KIAA1958: variants seen among roughly 807,000 people sequenced by gnomAD.
KIAA1958 encodes the protein uncharacterized protein KIAA1958.
KIAA1958 carries 14 observed loss-of-function variants against 47.2 expected under a neutral mutation model. That is an observed-to-expected ratio of 0.30 (90% CI 0.20 to 0.46). KIAA1958 has a LOEUF of 0.46. KIAA1958 is among the 20% of genes least tolerant of loss of function. The probability of loss-of-function intolerance (pLI) is 1.00; values close to 1 mark genes in which losing one functional copy is unlikely to be tolerated. For missense variants in KIAA1958, 803 were observed against 909.2 expected (o/e 0.88, Z 1.50); for synonymous variants, 354 against 353.3 (o/e 1.00, Z -0.02).
At chr9:112,645,026 T>C in intron 2 of KIAA1958, among the ~76,000 whole-genome samples, 1 of 150,828 alleles carries the variant, frequency 6.6e-6, no homozygotes, top group East Asian at 1.9e-4. Context: ...TCCCAGCTAC[T>C]TGGGAGGCTG....
intron 2 of KIAA1958, among the ~76,000 whole-genome samples, chr9:112,611,627 A>G (rs1305789759): frequency 2.6e-5 from 4 of 152,142 alleles, no homozygotes; most frequent in Non-Finnish European, 5.9e-5. Flanking sequence ...CTATTCTTAT[A>G]GAGGAAGATT....
chr9:112,636,620 C>A (rs904099004), intron 2 of KIAA1958, among the ~76,000 whole-genome samples: 2 of 152,124 alleles, frequency 1.3e-5, no homozygotes, highest in Admixed American at 1.3e-4. Context: ...TTTAAAACCT[C>A]CCTCTTTATT....
chr9:112,510,002 G>A (rs1252048973), intron 1 of KIAA1958, among the ~76,000 whole-genome samples: 1 of 152,190 alleles, frequency 6.6e-6, no homozygotes, highest in Non-Finnish European at 1.5e-5. Context: ...CATTACCTTT[G>A]TGGGCAGCTT....
intron 2 of KIAA1958, among the ~76,000 whole-genome samples, chr9:112,595,386 T>G (rs1836002712): frequency 6.6e-6 from 1 of 152,088 alleles, no homozygotes; most frequent in South Asian, 2.1e-4. Context: ...GCTGGCCGGG[T>G]GCAGTGGCTC....
At position 112,575,114 on chromosome 9, in the gene KIAA1958, A is replaced by T; in HGVS notation, c.1034A>T (p.His345Leu). The stretch of plus-strand genomic sequence containing the variant: ...GTTGCCTCTGAAGAGTTCCTGTCCC[A>T]TCTGCCCAGCCAGGTCTCCTCCTGT... Reference protein sequence around the residue: ...EQVASEEFLSHLPSQVSSCEV... With the variant: ...EQVASEEFLSLLPSQVSSCEV... The change falls in exon 2 of 4, where the codon CAT becomes CTT. Residue 345 changes from histidine to leucine, a missense_variant. Around this residue, in one of 2 missense-constraint regions of KIAA1958, gnomAD observed 761 missense variants for 829.3 expected, o/e 0.92. Transcript: ENST00000337530. 6.2e-7 allele frequency: 1 copy of T among 1,608,408 alleles called. No homozygotes were observed. Among genetic ancestry groups the T allele is most frequent in the African/African-American group, 1.3e-5 (1 of 75,008 alleles).
intron 1 of KIAA1958, among the ~76,000 whole-genome samples, chr9:112,531,353 A>G (rs1834749139): frequency 6.6e-6 from 1 of 152,192 alleles, no homozygotes; most frequent in African/African-American, 2.4e-5. Flanking sequence ...ACGCCATTGC[A>G]CTCCAGCCTG....
chr9:112,518,130 A>T (rs1189544147), intron 1 of KIAA1958, among the ~76,000 whole-genome samples: 1 of 152,226 alleles, frequency 6.6e-6, no homozygotes, highest in Non-Finnish European at 1.5e-5. Flanking sequence ...AGCCAGGAGG[A>T]TCACTTGAGC....
chr9:112,600,126 C>CT (rs1836104109), intron 2 of KIAA1958, among the ~76,000 whole-genome samples: 1 of 152,308 alleles, frequency 6.6e-6, no homozygotes, highest in South Asian at 2.1e-4. Context: ...TTGTTCTACT[C>CT]TTCTTTCACC....
In KIAA1958 at chr9:112,661,530, CTCTT is replaced by C. The variant is rs992103913; in HGVS notation, c.*1467_*1470del. On this transcript the variant is annotated 3_prime_UTR_variant, in exon 4 of 4. Coordinates refer to ENST00000337530, the MANE Select transcript of KIAA1958 (RefSeq NM_133465.4). Reference sequence around the variant, plus strand: ...TTTTGTAGAAGTCTTAAAATCAGTCCTCTTTCTTTTTGAAAACATTATTTTAGTA... The same window carrying C: ...TTTTGTAGAAGTCTTAAAATCAGTCCTCTTTTTGAAAACATTATTTTAGTA... The C allele has an allele frequency of 1.3e-5, 2 of 152,124 alleles. No individual in the cohort carries two copies. Among genetic ancestry groups the C allele is most frequent in the Admixed American group, 6.5e-5 (1 of 15,276 alleles). The allele number at this position is 152,124 out of a possible 1,614,324, so 9.4% of individuals were successfully genotyped here.
rs1264947174 is a variant in KIAA1958 at position 112,619,843 on chromosome 9, A to C, written c.1172-25807A>C. ...TGGAAAGTCTTACTAAAAATCTAGA[A>C]GCAGTAGTCGAGACAACAAAAAAAC... is the stretch of plus-strand genomic sequence containing the variant. On this transcript the variant is annotated intron_variant, in intron 2 of 3. Transcript: ENST00000337530. Among the ~76,000 whole-genome samples, 3 of 152,186 alleles carry C rather than the reference A, an allele frequency of 2.0e-5. No individual in the cohort carries two copies. In the East Asian group the frequency reaches 5.8e-4, roughly 29 times the overall value.
At chr9:112,640,067 T>G (rs1469985170) in intron 2 of KIAA1958, among the ~76,000 whole-genome samples, 1 of 152,252 alleles carries the variant, frequency 6.6e-6, no homozygotes, top group South Asian at 2.1e-4. Context: ...TTTCTCTTAG[T>G]TTTCATTCAT....
chr9:112,575,335 A>G (rs1835627857), intron 2 of KIAA1958, 84 bp downstream of exon 2: 1 of 904,638 alleles, frequency 1.1e-6, no homozygotes, highest in South Asian at 2.0e-5. Context: ...CCATTCACTC[A>G]GTTTGCTAGA....
intron 1 of KIAA1958, among the ~76,000 whole-genome samples, chr9:112,553,984 AT>A (rs1835199154): frequency 6.6e-6 from 1 of 152,224 alleles, no homozygotes; most frequent in African/African-American, 2.4e-5. Context: ...ATTGAAAAAA[AT>A]AATGCCATCA....
intron 2 of KIAA1958, among the ~76,000 whole-genome samples, chr9:112,585,388 G>A (rs1015819372): frequency 2.6e-5 from 4 of 152,204 alleles, no homozygotes; most frequent in African/African-American, 7.2e-5. Context: ...AATAACGTGA[G>A]CAAAGATGTT....
chr9:112,579,638 G>T (rs1021405324), intron 2 of KIAA1958, among the ~76,000 whole-genome samples: 2 of 151,210 alleles, frequency 1.3e-5, no homozygotes, highest in Non-Finnish European at 3.0e-5. Context: ...GTATTTATTT[G>T]TATAAATTTA....
Position 112,492,206 on chromosome 9 carries a change from A to G in KIAA1958, c.-25+5088A>G, listed in dbSNP as rs549758597. Reference sequence around the variant, plus strand: ...TTATTTTCTGACAATTCTGGAGGCTAGAAGTATAAGCTCAAAGTGTTGGCA... The same window carrying G: ...TTATTTTCTGACAATTCTGGAGGCTGGAAGTATAAGCTCAAAGTGTTGGCA... On this transcript the variant is annotated intron_variant, in intron 1 of 3. Coordinates refer to ENST00000337530, the MANE Select transcript of KIAA1958 (RefSeq NM_133465.4). Among the ~76,000 whole-genome samples the G allele has an allele frequency of 1.1e-4, 16 of 152,324 alleles. No individual in the cohort carries two copies. The South Asian group carries it at 1.2e-3, about 12-fold the overall frequency.
At chr9:112,487,708 T>C (rs937867806) in intron 1 of KIAA1958, among the ~76,000 whole-genome samples, 3 of 152,020 alleles carry the variant, frequency 2.0e-5, no homozygotes, top group East Asian at 3.9e-4. Context: ...TCCAAAAGGC[T>C]CTTCCGCCCC....
At chr9:112,584,907 CAGG>C (rs1330425463) in intron 2 of KIAA1958, among the ~76,000 whole-genome samples, 1 of 152,202 alleles carries the variant, frequency 6.6e-6, no homozygotes, top group Non-Finnish European at 1.5e-5. Flanking sequence ...TGCATTGGTA[CAGG>C]AGTAGTCTAA....
intron 1 of KIAA1958, among the ~76,000 whole-genome samples, chr9:112,507,507 T>G (rs1466695356): frequency 1.3e-5 from 2 of 152,056 alleles, no homozygotes; most frequent in Non-Finnish European, 2.9e-5. Flanking sequence ...TGCCACTATA[T>G]CTGGTTAATT....
Sources: allele counts gnomAD v4.1 joint callset (sites outside exome capture counted in the v4.1 genomes callset), GRCh38; gene constraint gnomAD v4.1.1; regional missense constraint gnomAD v4.1.1; transcripts MANE v1.5; gene names NCBI Gene and HGNC (gene_info 2026-07-23, HGNC 2026-07-21).